ADAMTS16: variants seen among roughly 807,000 people sequenced by gnomAD.
The protein encoded by ADAMTS16 is ADAM metallopeptidase with thrombospondin type 1 motif 16.
A neutral mutation model predicts 145.8 loss-of-function variants in ADAMTS16; 94 were observed. The ratio of observed to expected loss-of-function variants is 0.64; its 90% CI spans 0.55 to 0.77. ADAMTS16 has a LOEUF of 0.77. Ranked by LOEUF, ADAMTS16 falls within the 30% of genes least tolerant of loss-of-function variation. The pLI is 0.00. For missense variants in ADAMTS16, 1,585 were observed against 1,591.5 expected (o/e 1.00, Z 0.07); for synonymous variants, 659 against 604.3 (o/e 1.09, Z -1.33).
intron 18 of ADAMTS16, among the ~76,000 whole-genome samples, chr5:5,283,455 C>G (rs768953182): frequency 6.6e-6 from 1 of 152,110 alleles, no homozygotes; most frequent in Admixed American, 6.5e-5. Flanking sequence ...AAGGAAGAGA[C>G]CCATGCCCCT....
chr5:5,298,595 C>T lies in ADAMTS16; in HGVS notation c.2790-4673C>T, dbSNP rs560694118. 2.6e-5 allele frequency among the ~76,000 whole-genome samples: 4 copies of T among 152,378 alleles called. No homozygotes were observed. The South Asian group carries it at 8.3e-4, about 32-fold the overall frequency. On this transcript the variant is annotated intron_variant, in intron 18 of 22. Transcript: ENST00000274181. The stretch of plus-strand genomic sequence containing the variant: ...ACTTTCAGCTTACAGCCGGCCTGCA[C>T]TCTTAGTTAATTTGCTAACTAATGT...
At chr5:5,203,437 T>C (rs1348530227) in intron 9 of ADAMTS16, among the ~76,000 whole-genome samples, 1 of 152,226 alleles carries the variant, frequency 6.6e-6, no homozygotes, top group Non-Finnish European at 1.5e-5. Flanking sequence ...TGAGCAAGGA[T>C]AAATGGCTAC....
chr5:5,270,295 C>G (rs1371698671), intron 18 of ADAMTS16, among the ~76,000 whole-genome samples: 1 of 152,174 alleles, frequency 6.6e-6, no homozygotes, highest in Non-Finnish European at 1.5e-5. Flanking sequence ...ATGGAGTGGT[C>G]TGGTTGCCAT....
intron 17 of ADAMTS16, among the ~76,000 whole-genome samples, chr5:5,257,502 G>A (rs1177203578): frequency 6.6e-6 from 1 of 152,172 alleles, no homozygotes; most frequent in Non-Finnish European, 1.5e-5. Flanking sequence ...AATGCAAATT[G>A]CGACGTAATG....
At chr5:5,231,781 C>T (rs1299250773) in intron 11 of ADAMTS16, among the ~76,000 whole-genome samples, 3 of 152,304 alleles carry the variant, frequency 2.0e-5, no homozygotes, top group East Asian at 3.9e-4. Flanking sequence ...GCATCTCCAG[C>T]CTTCGTGGGG....
intron 17 of ADAMTS16, among the ~76,000 whole-genome samples, chr5:5,261,571 C>G (rs1579352151): frequency 6.6e-6 from 1 of 151,470 alleles, no homozygotes; most frequent in East Asian, 1.9e-4. Context: ...ACTGCAACCT[C>G]CAACTACCTG....
At chr5:5,297,745 C>A (rs188102665) in intron 18 of ADAMTS16, among the ~76,000 whole-genome samples, 2 of 152,206 alleles carry the variant, frequency 1.3e-5, no homozygotes, top group South Asian at 2.1e-4. Context: ...AGATGACGCC[C>A]ACAGCGCTGC....
intron 18 of ADAMTS16, among the ~76,000 whole-genome samples, chr5:5,286,361 T>C (rs569510955): frequency 2.6e-5 from 4 of 152,218 alleles, no homozygotes; most frequent in African/African-American, 9.6e-5. Context: ...CCTCCTCATA[T>C]TCCCTTAGTT....
chr5:5,175,054 C>T (rs944642717), intron 3 of ADAMTS16, among the ~76,000 whole-genome samples: 1 of 152,220 alleles, frequency 6.6e-6, no homozygotes, highest in Non-Finnish European at 1.5e-5. Flanking sequence ...TTTCCTCCTA[C>T]TTTCCTTAAG....
chr5:5,180,343 C>T (rs993596600), intron 3 of ADAMTS16, among the ~76,000 whole-genome samples: 1 of 152,110 alleles, frequency 6.6e-6, no homozygotes, highest in Admixed American at 6.5e-5. Flanking sequence ...GAGTAGATTG[C>T]ATTATAAAAT....
intron 8 of ADAMTS16, among the ~76,000 whole-genome samples, chr5:5,198,155 C>T (rs1343009896): frequency 1.3e-5 from 2 of 152,068 alleles, no homozygotes; most frequent in African/African-American, 2.4e-5. Context: ...ATTTCTGGAC[C>T]GTAATGTGTC....
intron 9 of ADAMTS16, among the ~76,000 whole-genome samples, chr5:5,206,354 A>G (rs1306276434): frequency 9.5e-6 from 1 of 105,182 alleles, no homozygotes; most frequent in African/African-American, 3.7e-5. Context: ...TGAACCCGGG[A>G]GGCGGAGCTT....
chr5:5,298,603 T>C (rs1739644295), intron 18 of ADAMTS16, among the ~76,000 whole-genome samples: 1 of 152,256 alleles, frequency 6.6e-6, no homozygotes, highest in Non-Finnish European at 1.5e-5. Context: ...CACTCTTAGT[T>C]AATTTGCTAA....
chr5:5,259,265 C>T (rs1421847614), intron 17 of ADAMTS16, among the ~76,000 whole-genome samples: 2 of 152,238 alleles, frequency 1.3e-5, no homozygotes, highest in Non-Finnish European at 2.9e-5. Flanking sequence ...TGCAACTGAG[C>T]CTTGTCCAGC....
intron 11 of ADAMTS16, among the ~76,000 whole-genome samples, chr5:5,229,911 T>C (rs1401056050): frequency 6.6e-6 from 1 of 152,104 alleles, no homozygotes; most frequent in African/African-American, 2.4e-5. Flanking sequence ...GCTAAAAGTA[T>C]TAGGTGGGAA....
intron 18 of ADAMTS16, among the ~76,000 whole-genome samples, chr5:5,298,029 A>C (rs6555347): frequency 6.6e-6 from 1 of 152,156 alleles, no homozygotes; most frequent in African/African-American, 2.4e-5. Flanking sequence ...CCGTTCCCAC[A>C]TGAAAAACCA....
chr5:5,295,717 A>T (rs555975670), intron 18 of ADAMTS16, among the ~76,000 whole-genome samples: 13 of 152,228 alleles, frequency 8.5e-5, no homozygotes, highest in Non-Finnish European at 1.5e-4. Flanking sequence ...GTGTCCAGAG[A>T]TGAACGGAGC....
At chr5:5,286,951 A>G (rs1739131091) in intron 18 of ADAMTS16, among the ~76,000 whole-genome samples, 1 of 152,084 alleles carries the variant, frequency 6.6e-6, no homozygotes, top group Non-Finnish European at 1.5e-5. Context: ...GATTCAACCA[A>G]TGAGTACCTA....
At chr5:5,142,977 T>C (rs1485239964) in intron 2 of ADAMTS16, among the ~76,000 whole-genome samples, 1 of 152,180 alleles carries the variant, frequency 6.6e-6, no homozygotes, top group Non-Finnish European at 1.5e-5. Context: ...ATTTAATAAA[T>C]GGTGCTGGGA....
Sources: allele counts gnomAD v4.1 joint callset (sites outside exome capture counted in the v4.1 genomes callset), GRCh38; gene constraint gnomAD v4.1.1; transcripts MANE v1.5; gene names NCBI Gene and HGNC (gene_info 2026-07-23, HGNC 2026-07-21).